EPHA5: variants seen among roughly 807,000 people sequenced by gnomAD.
EPHA5 encodes ephrin type-A receptor 5.
In EPHA5, 60 loss-of-function variants were observed where a neutral mutation model predicts 105.0. That is an observed-to-expected ratio of 0.57 (90% CI 0.46 to 0.71). The LOEUF (loss-of-function observed/expected upper bound fraction) is 0.71, where lower values mean the gene tolerates loss of function less well. EPHA5 is among the 30% of genes least tolerant of loss of function. The pLI is 0.00. For synonymous variants in EPHA5, 513 were observed against 449.1 expected (o/e 1.14, Z -1.80); for missense variants, 1,218 against 1,274.7 (o/e 0.96, Z 0.68).
intron 7 of EPHA5, among the ~76,000 whole-genome samples, chr4:65,413,362 A>G (rs1027125013): frequency 6.6e-6 from 1 of 152,178 alleles, no homozygotes; most frequent in Non-Finnish European, 1.5e-5. Flanking sequence ...TTTTTAAATA[A>G]TTCACTTAAA....
chr4:65,449,486 G>T (rs1726874471), intron 5 of EPHA5, among the ~76,000 whole-genome samples: 1 of 152,136 alleles, frequency 6.6e-6, no homozygotes, highest in African/African-American at 2.4e-5. Flanking sequence ...AAAGGGATAT[G>T]TACAAAGATT....
intron 3 of EPHA5, among the ~76,000 whole-genome samples, chr4:65,545,330 C>T (rs1016369337): frequency 2.0e-5 from 3 of 151,818 alleles, no homozygotes; most frequent in Non-Finnish European, 2.9e-5. Flanking sequence ...TTAGTAACCT[C>T]CAAACAGATG....
At chr4:65,653,348 C>A (rs1272517826) in intron 1 of EPHA5, among the ~76,000 whole-genome samples, 2 of 151,970 alleles carry the variant, frequency 1.3e-5, no homozygotes, top group Non-Finnish European at 2.9e-5. Context: ...TTAATGTAAA[C>A]CCTACATAAT....
intron 12 of EPHA5, among the ~76,000 whole-genome samples, chr4:65,352,270 T>C (rs374639856): frequency 1.7e-4 from 26 of 152,138 alleles, no homozygotes; most frequent in African/African-American, 6.0e-4. Flanking sequence ...GACTTTTCAG[T>C]GGACCATTAT....
At chr4:65,358,237 T>C (rs1723496958) in intron 11 of EPHA5, among the ~76,000 whole-genome samples, 1 of 151,492 alleles carries the variant, frequency 6.6e-6, no homozygotes, top group Non-Finnish European at 1.5e-5. Flanking sequence ...CCATCTGCCT[T>C]TCCCAAACCA....
chr4:65,625,773 A>G (rs1161458991), intron 2 of EPHA5, among the ~76,000 whole-genome samples: 1 of 152,228 alleles, frequency 6.6e-6, no homozygotes, highest in African/African-American at 2.4e-5. Context: ...ACCAACTTCC[A>G]GATCCCAGTA....
chr4:65,330,818 TA>T, intron 16 of EPHA5: 2 of 1,030,408 alleles, frequency 1.9e-6, no homozygotes, highest in Non-Finnish European at 2.3e-6. Context: ...TGTTATCAAG[TA>T]GATATGATCT....
intron 3 of EPHA5, among the ~76,000 whole-genome samples, chr4:65,579,358 G>GTATA (rs71657189): frequency 0.22 from 31,942 of 142,546 alleles, 3,685 homozygotes; most frequent in Non-Finnish European, 0.24. Flanking sequence ...ATGTATGTGT[G>GTATA]TATATATATA....
chr4:65,496,329 C>T (rs1378102529), intron 3 of EPHA5, among the ~76,000 whole-genome samples: 3 of 150,508 alleles, frequency 2.0e-5, no homozygotes, highest in Admixed American at 1.3e-4. Context: ...GCTGCACCCA[C>T]TAACTCGTCA....
At chr4:65,602,748 G>T (rs1743862598) in intron 2 of EPHA5, among the ~76,000 whole-genome samples, 1 of 151,786 alleles carries the variant, frequency 6.6e-6, no homozygotes, top group South Asian at 2.1e-4. Context: ...AGGGATAAAA[G>T]GATCGCAAAT....
chr4:65,448,071 G>A (rs1726724752), intron 5 of EPHA5, among the ~76,000 whole-genome samples: 1 of 151,598 alleles, frequency 6.6e-6, no homozygotes, highest in Non-Finnish European at 1.5e-5. Flanking sequence ...TCAATTTCTT[G>A]TTATATGAAA....
intron 3 of EPHA5, among the ~76,000 whole-genome samples, chr4:65,557,326 T>C (rs1334871047): frequency 6.8e-6 from 1 of 148,144 alleles, no homozygotes; most frequent in Non-Finnish European, 1.5e-5. Flanking sequence ...GGAATCTTTA[T>C]GAAGCAGAAA....
chr4:65,396,173 G>A (rs1345104289), intron 8 of EPHA5, among the ~76,000 whole-genome samples: 2 of 152,214 alleles, frequency 1.3e-5, no homozygotes. Context: ...GCAAAGTTGA[G>A]GATAAGCTTG....
At position 65,574,398 on chromosome 4, in the gene EPHA5, A is replaced by G. The variant is rs903369646; in HGVS notation, c.910+27243T>C. Reference sequence around the variant, plus strand: ...AATAATAATAAAAAATAAAAAAATAAAAAAATACTCAAATAACTCAAATAC... The same window carrying G: ...AATAATAATAAAAAATAAAAAAATAGAAAAATACTCAAATAACTCAAATAC... On this transcript the variant is annotated intron_variant, in intron 3 of 16. Coordinates refer to ENST00000613740, the MANE Select transcript of EPHA5 (RefSeq NM_001281766.3). 3 of 708,038 alleles carry G rather than the reference A, an allele frequency of 4.2e-6. No homozygotes were observed. In the African/African-American group the frequency reaches 5.6e-5, roughly 13 times the overall value. 43.9% of individuals were successfully genotyped at this position (708,038 alleles called of 1,614,324 possible).
chr4:65,529,352 A>C (rs1397583973), intron 3 of EPHA5, among the ~76,000 whole-genome samples: 2 of 152,112 alleles, frequency 1.3e-5, no homozygotes, highest in African/African-American at 4.8e-5. Context: ...AATATAAATA[A>C]ATTTATTGTT....
chr4:65,473,943 T>A (rs1214356173), intron 5 of EPHA5, among the ~76,000 whole-genome samples: 10 of 150,600 alleles, frequency 6.6e-5, no homozygotes, highest in Non-Finnish European at 8.9e-5. Flanking sequence ...ATATTGAGGA[T>A]TAAGTACATG....
intron 2 of EPHA5, among the ~76,000 whole-genome samples, chr4:65,611,881 C>T (rs2149459519): frequency 6.6e-6 from 1 of 151,520 alleles, no homozygotes; most frequent in South Asian, 2.1e-4. Context: ...AGCCACTTGC[C>T]AAAGCAGTAT....
chr4:65,508,743 G>GT (rs986922172), intron 3 of EPHA5, among the ~76,000 whole-genome samples: 7 of 151,770 alleles, frequency 4.6e-5, no homozygotes, highest in South Asian at 4.2e-4. Context: ...TGACAATGCA[G>GT]TTTTTTTTAA....
At position 65,353,116 on chromosome 4, in the gene EPHA5, C is replaced by G. The variant is rs1560443878; in HGVS notation, c.2174-13G>C. 7.1e-6 allele frequency: 11 copies of G among 1,539,442 alleles called. No individual in the cohort carries two copies. Among genetic ancestry groups the G allele is most frequent in the Non-Finnish European group, 9.6e-6 (11 of 1,143,594 alleles). On this transcript the variant is annotated splice_polypyrimidine_tract_variant and intron_variant, in intron 11 of 16. Coordinates refer to ENST00000613740, the MANE Select transcript of EPHA5 (RefSeq NM_001281766.3). Reference sequence around the variant, plus strand: ...ATCACTGGTTTACCTGAAAAGAAAACAGAGTGATATAACCTGCTGCTCTTC... The same window carrying G: ...ATCACTGGTTTACCTGAAAAGAAAAGAGAGTGATATAACCTGCTGCTCTTC...
Sources: gnomAD v4.1 joint callset for allele counts (sites outside exome capture counted in the v4.1 genomes callset) on GRCh38, gnomAD v4.1.1 for gene constraint, MANE v1.5 for transcripts, NCBI Gene and HGNC (gene_info 2026-07-23, HGNC 2026-07-21) for gene names.